The following CAGE1 variants were observed in gnomAD, a reference collection of about 807,000 sequenced individuals.
The protein encoded by CAGE1 is cancer antigen 1.
In CAGE1, 66 loss-of-function variants were observed where a neutral mutation model predicts 94.9. The observed-to-expected ratio is 0.70, with a 90% confidence interval of 0.57 to 0.85. The LOEUF (loss-of-function observed/expected upper bound fraction) is 0.85, where lower values mean the gene tolerates loss of function less well. Ranked by LOEUF, CAGE1 falls within the 40% of genes least tolerant of loss-of-function variation. The probability of loss-of-function intolerance (pLI) is 0.00; values close to 1 mark genes in which losing one functional copy is unlikely to be tolerated. For synonymous variants in CAGE1, 319 were observed against 321.0 expected, an observed-to-expected ratio of 0.99 and a Z score of 0.07; for missense variants, 865 against 950.4, an observed-to-expected ratio of 0.91 and a Z score of 1.18.
chr6:7,367,021 A>G (rs1760367684), intron 7 of CAGE1, among the ~76,000 whole-genome samples: 1 of 152,130 alleles, frequency 6.6e-6, no homozygotes, highest in Admixed American at 6.5e-5. Context: ...TGTGCAAAAT[A>G]TTTTTTATTC....
chr6:7,351,159 T>C (rs1759753074), intron 11 of CAGE1, among the ~76,000 whole-genome samples: 1 of 152,216 alleles, frequency 6.6e-6, no homozygotes, highest in East Asian at 1.9e-4. Flanking sequence ...CATTCAATGC[T>C]GCTATGAACA....
In CAGE1 at chr6:7,368,814, T is replaced by C; in HGVS notation, c.1894-16A>G. 1 of 1,467,616 alleles carries C rather than the reference T, an allele frequency of 6.8e-7. No homozygotes were observed. The highest frequency in any genetic ancestry group is 1.4e-5 in the South Asian group (1 of 73,850). 90.9% of individuals were successfully genotyped at this position (1,467,616 alleles called of 1,614,324 possible). On this transcript the variant is annotated splice_polypyrimidine_tract_variant and intron_variant, in intron 6 of 13. Coordinates refer to ENST00000502583, the MANE Select transcript of CAGE1 (RefSeq NM_001170692.2). ...TGATGATGTCCTAAGGGTAAGAGTT[T>C]CAGAAGCTAGATGAAAAAGTTTTTA...
chr6:7,379,890 A>C (rs1760875364), intron 3 of CAGE1, among the ~76,000 whole-genome samples: 1 of 151,904 alleles, frequency 6.6e-6, no homozygotes, highest in African/African-American at 2.4e-5. Context: ...TTTAGTAAAT[A>C]ATTAAGTTCA....
At chr6:7,355,286 G>C (rs776077237) in intron 10 of CAGE1, among the ~76,000 whole-genome samples, 175 bp from the exon 11 acceptor site, 15 of 152,068 alleles carry the variant, frequency 9.9e-5, no homozygotes, top group Non-Finnish European at 2.9e-5. Flanking sequence ...ATGATAACAC[G>C]CCCATTAATC....
At position 7,326,789 on chromosome 6, in the gene CAGE1, A is replaced by G. The variant is rs944950245; in HGVS notation, c.*69T>C. 37 of 1,049,332 alleles carry G rather than the reference A, an allele frequency of 3.5e-5. No homozygotes were observed. In the African/African-American group the frequency reaches 4.2e-4, roughly 12 times the overall value. The allele number at this position is 1,049,332 out of a possible 1,614,324, so 65.0% of individuals were successfully genotyped here. On this transcript the variant is annotated 3_prime_UTR_variant, in exon 14 of 14. Transcript: ENST00000502583. ...ATCATCTGCATGGATTGATTTGGCT[A>G]GCATATGTAGTAATGACTCTTCCTG...
At chr6:7,358,072 G>C (rs113627518) in intron 9 of CAGE1, among the ~76,000 whole-genome samples, 2 of 52,844 alleles carry the variant, frequency 3.8e-5, no homozygotes, top group Non-Finnish European at 7.7e-5. Flanking sequence ...ATATATATAT[G>C]CCTCCAAAAC....
chr6:7,345,828 G>C (rs1759493492), intron 11 of CAGE1, among the ~76,000 whole-genome samples: 1 of 152,168 alleles, frequency 6.6e-6, no homozygotes, highest in Non-Finnish European at 1.5e-5. Context: ...GGGAGGCTGA[G>C]GCAGGAGAAT....
chr6:7,377,514 G>A (rs922265575), intron 4 of CAGE1, among the ~76,000 whole-genome samples: 12 of 152,068 alleles, frequency 7.9e-5, no homozygotes, highest in African/African-American at 2.2e-4. Context: ...AGGCCAAGGC[G>A]GGTGGATCGG....
chr6:7,332,207 G>A (rs536863362), intron 12 of CAGE1, among the ~76,000 whole-genome samples: 1 of 152,300 alleles, frequency 6.6e-6, no homozygotes, highest in African/African-American at 2.4e-5. Flanking sequence ...GAGAGCAAAG[G>A]CCACAGGACA....
At chr6:7,360,519 C>T (rs1442410370) in intron 9 of CAGE1, among the ~76,000 whole-genome samples, 1 of 152,208 alleles carries the variant, frequency 6.6e-6, no homozygotes, top group Non-Finnish European at 1.5e-5. Flanking sequence ...GTAGACATAA[C>T]ATTCACCATG....
rs934780908 is a variant in CAGE1, at chr6:7,339,593, G to T, written c.2370-5503C>A. ...TCTTGCCGCCATGCTCCGCTGAAAG[G>T]AAAGGCACTGTATCATTCTTATGCC... On this transcript the variant is annotated intron_variant, in intron 11 of 13. Coordinates refer to ENST00000502583, the MANE Select transcript of CAGE1 (RefSeq NM_001170692.2). This position sits in a 1 kb window ranked among gnomAD's most constrained non-coding sequence, Gnocchi z 4.7. 3 of 724,858 alleles carry T rather than the reference G, an allele frequency of 4.1e-6. No homozygotes were observed. The highest frequency in any genetic ancestry group is 7.6e-6 in the Non-Finnish European group (3 of 394,488). The allele number at this position is 724,858 out of a possible 1,614,324, so 44.9% of individuals were successfully genotyped here.
Position 7,326,752 on chromosome 6 carries a change from A to G in CAGE1, c.*106T>C. ...GAATGTAAGACTTTACCCTTTATACAGATTTTAATATATCATCTGCATGGA... is the reference window on the plus strand; with the variant it reads ...GAATGTAAGACTTTACCCTTTATACGGATTTTAATATATCATCTGCATGGA... On this transcript the variant is annotated 3_prime_UTR_variant, in exon 14 of 14. Transcript: ENST00000502583. 2.5e-6 allele frequency: 2 copies of G among 813,906 alleles called. No homozygotes were observed. The highest frequency in any genetic ancestry group is 4.2e-6 in the Non-Finnish European group (2 of 475,230). The allele number at this position is 813,906 out of a possible 1,614,324, so 50.4% of individuals were successfully genotyped here. A position where few individuals can be genotyped will look rare whatever the true frequency, so the allele number is the denominator to read the frequency against.
At chr6:7,388,239 T>C (rs1188650786) in intron 1 of CAGE1, among the ~76,000 whole-genome samples, 1 of 152,082 alleles carries the variant, frequency 6.6e-6, no homozygotes, top group Non-Finnish European at 1.5e-5. Context: ...CCCTACCCGG[T>C]ACTCCCCTGC....
chr6:7,332,627 G>A (rs766113274), intron 12 of CAGE1, among the ~76,000 whole-genome samples: 1 of 152,274 alleles, frequency 6.6e-6, no homozygotes, highest in Non-Finnish European at 1.5e-5. Context: ...TAGGGAACAC[G>A]TTTCAAAGCT....
At chr6:7,372,198 G>A (rs886681191) in intron 5 of CAGE1, among the ~76,000 whole-genome samples, 9 of 152,126 alleles carry the variant, frequency 5.9e-5, no homozygotes, top group South Asian at 2.1e-4. Flanking sequence ...GGGGTTGGGC[G>A]CAGTGTCTCA....
Position 7,373,514 on chromosome 6 carries a change from T to G in CAGE1, c.1305A>C (p.Val435=). 6.2e-7 allele frequency: 1 copy of G among 1,613,852 alleles called. No homozygotes were observed. The highest frequency in any genetic ancestry group is 8.5e-7 in the Non-Finnish European group (1 of 1,179,838). Reference sequence around the variant, plus strand: ...TTTTGTCCATCTCTAAATACTGACTTACAGATTTATTTTTTTGTTGCATTT... The same window carrying G: ...TTTTGTCCATCTCTAAATACTGACTGACAGATTTATTTTTTTGTTGCATTT... The part of the protein sequence containing the change: ...MTEMQQKNKS[V]SQYLEMDKTL... The change falls in exon 5 of 14, where the codon GTA becomes GTC. Residue 435 remains valine, a synonymous_variant. Coordinates refer to ENST00000502583, the MANE Select transcript of CAGE1 (RefSeq NM_001170692.2).
intron 11 of CAGE1, among the ~76,000 whole-genome samples, chr6:7,340,479 A>G (rs1190907274): frequency 6.6e-6 from 1 of 152,208 alleles, no homozygotes; most frequent in Non-Finnish European, 1.5e-5. Context: ...TGAATATAAA[A>G]ATAAACCATC....
At position 7,373,092 on chromosome 6, in the gene CAGE1, A is replaced by C. The variant is rs775518647; in HGVS notation, c.1727T>G (p.Leu576Trp). ...AQLKDQLEEV[L>W]KSDITKDTKT... The stretch of plus-strand genomic sequence containing the variant: ...CAATACCTTGGTAATATCTGACTTC[A>C]AGACTTCCTCTAATTGATCCTTTAA... The change falls in exon 5 of 14, where the codon TTG (leucine) becomes TGG (tryptophan). Residue 576 changes from leucine (L) to tryptophan (W), a missense_variant. Coordinates refer to ENST00000502583, the MANE Select transcript of CAGE1 (RefSeq NM_001170692.2). The C allele has an allele frequency of 6.2e-7, 1 of 1,604,872 alleles. No homozygotes were observed. The highest frequency in any genetic ancestry group is 2.2e-5 in the East Asian group (1 of 44,806).
In CAGE1 at chr6:7,389,697, C is replaced by A. The variant is rs1761270999; in HGVS notation, c.-519G>T. The A allele has an allele frequency of 1.0e-5, 5 of 485,612 alleles. No individual in the cohort carries two copies. Among genetic ancestry groups the A allele is most frequent in the Non-Finnish European group, 1.9e-5 (5 of 266,558 alleles). 30.1% of individuals were successfully genotyped at this position (485,612 alleles called of 1,614,324 possible). On this transcript the variant is annotated 5_prime_UTR_variant, in exon 1 of 14. Transcript: ENST00000502583. ...GCTACTCAACACGCCTTCCTGAGAG[C>A]ACAGAACATCCACAGCCCTATACAG... is the stretch of plus-strand genomic sequence containing the variant.
Sources: allele counts gnomAD v4.1 joint callset (sites outside exome capture counted in the v4.1 genomes callset), GRCh38; gene constraint gnomAD v4.1.1; non-coding constraint Gnocchi (gnomAD v3.1); transcripts MANE v1.5; gene names NCBI Gene and HGNC (gene_info 2026-07-23, HGNC 2026-07-21).